TASOR: variants seen among roughly 807,000 people sequenced by gnomAD.
TASOR encodes transcription activation suppressor.
TASOR carries 53 observed loss-of-function variants against 178.6 expected under a neutral mutation model. The ratio of observed to expected loss-of-function variants is 0.30; its 90% CI spans 0.24 to 0.37. The LOEUF is 0.37. Among genes scored for constraint, TASOR ranks in the 10% least tolerant of loss-of-function variants. TASOR has a pLI of 1.00. For synonymous variants in TASOR, 713 were observed against 696.2 expected (o/e 1.02, Z -0.38); for missense variants, 1,815 against 1,971.4 (o/e 0.92, Z 1.50).
At chr3:56,650,262 AG>A (rs2077322639) in intron 11 of TASOR, among the ~76,000 whole-genome samples, 1 of 152,236 alleles carries the variant, frequency 6.6e-6, no homozygotes, top group South Asian at 2.1e-4. Context: ...AATAATTCAG[AG>A]GACAAAAAGT....
At chr3:56,681,291 T>A (rs752168525) in intron 1 of TASOR, among the ~76,000 whole-genome samples, 10 of 152,190 alleles carry the variant, frequency 6.6e-5, no homozygotes, top group Middle Eastern at 3.2e-3. Context: ...CAGACTATAA[T>A]CATACATCTC....
At chr3:56,651,709 A>AG (rs974118683) in intron 11 of TASOR, among the ~76,000 whole-genome samples, 2 of 152,114 alleles carry the variant, frequency 1.3e-5, no homozygotes, top group African/African-American at 4.8e-5. Flanking sequence ...TCAAAAAAAA[A>AG]AAGCTTAGAA....
Position 56,683,247 on chromosome 3 carries a change from C to A in TASOR, c.-241G>T. On this transcript the variant is annotated 5_prime_UTR_variant, in exon 1 of 24. Coordinates refer to ENST00000683822, the MANE Select transcript of TASOR (RefSeq NM_001365635.2). ...CTCGGGCAGTTCTTCTGCCTTCCCC[C>A]GCCACTCAACGTGCGCGCGTCGGGG... 1 of 428,306 alleles carries A rather than the reference C, an allele frequency of 2.3e-6. No individual in the cohort carries two copies. The highest frequency in any genetic ancestry group is 4.1e-6 in the Non-Finnish European group (1 of 243,686). 26.5% of individuals were successfully genotyped at this position (428,306 alleles called of 1,614,324 possible). A position where few individuals can be genotyped will look rare whatever the true frequency, so the allele number is the denominator to read the frequency against.
At position 56,627,729 on chromosome 3, in the gene TASOR, C is replaced by T; in HGVS notation, c.3883G>A (p.Val1295Met). The part of the protein sequence containing the change: ...AGFIHKIPGL[V>M]TLKKLPCVSF... ...ACACAGGGGAGCTTCTTTAAAGTCA[C>T]CAAGCCAGGTATCTGTTTAAATCCC... The change falls in exon 20 of 24, where the codon GTG (valine) becomes ATG (methionine). Residue 1295 changes from valine to methionine, a missense_variant. Physicochemically the swap from Val to Met is conservative, Grantham distance 21 (BLOSUM62 1). Transcript: ENST00000683822. 1.2e-5 allele frequency: 20 copies of T among 1,613,604 alleles called. No homozygotes were observed. The highest frequency in any genetic ancestry group is 1.7e-5 in the Non-Finnish European group (20 of 1,179,880).
chr3:56,675,103 C>A (rs1014234170), intron 1 of TASOR, among the ~76,000 whole-genome samples: 1 of 151,636 alleles, frequency 6.6e-6, no homozygotes, highest in Non-Finnish European at 1.5e-5. Flanking sequence ...GAGATTCAGG[C>A]ATGAGCCACC....
chr3:56,682,546 G>A (rs906391623), intron 1 of TASOR, 130 bp downstream of exon 1: 2 of 861,192 alleles, frequency 2.3e-6, no homozygotes, highest in Admixed American at 3.7e-5. Flanking sequence ...GTGGCGGTGA[G>A]GGGAGAGGCG....
Position 56,621,604 on chromosome 3 carries a change from G to A in TASOR, c.*1433C>T. ...AGCTGAAAATCAAGAAGAGAGTTTT[G>A]GTTCTTCATTTTAAATGTAGAAAAT... On this transcript the variant is annotated 3_prime_UTR_variant, in exon 24 of 24. Transcript: ENST00000683822. 6.3e-7 allele frequency: 1 copy of A among 1,592,100 alleles called. No homozygotes were observed. Among genetic ancestry groups the A allele is most frequent in the Non-Finnish European group, 8.6e-7 (1 of 1,169,510 alleles).
chr3:56,634,699 C>T (rs2076982551), intron 17 of TASOR, among the ~76,000 whole-genome samples: 1 of 152,132 alleles, frequency 6.6e-6, no homozygotes, highest in African/African-American at 2.4e-5. Context: ...ATTTGAGATA[C>T]AGATGTTAGC....
At position 56,641,770 on chromosome 3, in the gene TASOR, ATTGG is replaced by A; in HGVS notation, c.2216-22_2216-19del. 6.3e-7 allele frequency: 1 copy of A among 1,576,372 alleles called. No homozygotes were observed. The highest frequency in any genetic ancestry group is 8.6e-7 in the Non-Finnish European group (1 of 1,159,700). On this transcript the variant is annotated intron_variant, in intron 14 of 23. Transcript: ENST00000683822. Reference sequence around the variant, plus strand: ...TGGAGACTCTGAGAAAAAGGAAGTCATTGGTTGAAGTTAAGTTTAAAAGCAAGCA... The same window carrying A: ...TGGAGACTCTGAGAAAAAGGAAGTCATTGAAGTTAAGTTTAAAAGCAAGCA...
chr3:56,627,768 AAACAG>A (rs2076829890), intron 19 of TASOR, 27 bp from the exon 20 acceptor site: 1 of 1,606,604 alleles, frequency 6.2e-7, no homozygotes, highest in East Asian at 2.2e-5. Context: ...ACAAAAAGAG[AAACAG>A]ATGGAGGGAA....
intron 1 of TASOR, among the ~76,000 whole-genome samples, chr3:56,674,345 T>TTA (rs761611851): frequency 7.4e-6 from 1 of 135,376 alleles, no homozygotes; most frequent in Non-Finnish European, 1.6e-5. Flanking sequence ...TACAAACCAT[T>TTA]AAAAAAAAAA....
chr3:56,682,520 C>G (rs2031891590), intron 1 of TASOR, among the ~76,000 whole-genome samples, 156 bp downstream of exon 1: 1 of 150,638 alleles, frequency 6.6e-6, no homozygotes, highest in African/African-American at 2.4e-5. Flanking sequence ...GCACCAAACG[C>G]GGCAGCTGGG....
intron 19 of TASOR, among the ~76,000 whole-genome samples, 171 bp downstream of exon 19, chr3:56,628,321 T>G (rs77290819): frequency 0.016 from 2,480 of 152,332 alleles, 40 homozygotes; most frequent in Non-Finnish European, 0.021. Flanking sequence ...GTGCAGCAAT[T>G]TAAAATTTTG....
intron 1 of TASOR, among the ~76,000 whole-genome samples, chr3:56,673,964 G>A (rs1368647318): frequency 6.6e-6 from 1 of 152,016 alleles, no homozygotes; most frequent in Non-Finnish European, 1.5e-5. Context: ...CATAGACAAG[G>A]AAGGTGCAAT....
chr3:56,661,971 C>CAA lies in TASOR; in HGVS notation c.1160+412_1160+413dup, dbSNP rs5849160. 7.3e-5 allele frequency among the ~76,000 whole-genome samples: 11 copies of CAA among 150,068 alleles called. No individual in the cohort carries two copies. The East Asian group carries it at 7.8e-4, about 11-fold the overall frequency. On this transcript the variant is annotated intron_variant, in intron 9 of 23. Coordinates refer to ENST00000683822, the MANE Select transcript of TASOR (RefSeq NM_001365635.2). Reference sequence around the variant, plus strand: ...AAAAGCCCCGTCTCTACTAAAAATACAAAAAAAAATTAGCTGGGTATGGTG... The same window carrying CAA: ...AAAAGCCCCGTCTCTACTAAAAATACAAAAAAAAAAATTAGCTGGGTATGGTG...
chr3:56,639,446 A>C (rs1459271309), intron 16 of TASOR, among the ~76,000 whole-genome samples: 2 of 152,220 alleles, frequency 1.3e-5, no homozygotes, highest in Non-Finnish European at 2.9e-5. Flanking sequence ...ACATCTGCTA[A>C]ACTTTTTGCC....
In TASOR at chr3:56,621,645, T is replaced by G. The variant is rs556857491; in HGVS notation, c.*1392A>C. 5 of 1,481,264 alleles carry G rather than the reference T, an allele frequency of 3.4e-6. No homozygotes were observed. The South Asian group carries it at 6.0e-5, about 18-fold the overall frequency. The allele number at this position is 1,481,264 out of a possible 1,614,324, so 91.8% of individuals were successfully genotyped here. On this transcript the variant is annotated 3_prime_UTR_variant, in exon 24 of 24. Transcript: ENST00000683822. ...TGTAGAAAATCAAATCCTTCACATT[T>G]GATTTGTGTCTTCCAAATTATAAAA...
intron 11 of TASOR, among the ~76,000 whole-genome samples, chr3:56,659,530 A>G (rs1207863558): frequency 6.6e-6 from 1 of 152,156 alleles, no homozygotes; most frequent in Non-Finnish European, 1.5e-5. Context: ...CTTACCTCAG[A>G]AATATCCCAT....
At chr3:56,624,365 C>T in intron 23 of TASOR, 114 bp downstream of exon 23, 1 of 976,624 alleles carries the variant, frequency 1.0e-6, no homozygotes, top group Non-Finnish European at 1.5e-6. Context: ...TTCCCTATGG[C>T]TGTTTATACT....
Sources: gnomAD v4.1 joint callset for allele counts (sites outside exome capture counted in the v4.1 genomes callset) on GRCh38, gnomAD v4.1.1 for gene constraint, MANE v1.5 for transcripts, NCBI Gene and HGNC (gene_info 2026-07-23, HGNC 2026-07-21) for gene names.